TLL2: variants seen among roughly 807,000 people sequenced by gnomAD.
TLL2 encodes the protein tolloid-like protein 2.
A neutral mutation model predicts 123.0 loss-of-function variants in TLL2; 106 were observed. The ratio of observed to expected loss-of-function variants is 0.86; its 90% CI spans 0.74 to 1.01. The LOEUF (loss-of-function observed/expected upper bound fraction) is 1.01, where lower values mean the gene tolerates loss of function less well. Ranked by LOEUF, TLL2 falls within the 50% of genes least tolerant of loss-of-function variation. TLL2 has a pLI of 0.00. For synonymous variants in TLL2, 494 were observed against 516.8 expected (o/e 0.96, Z 0.60); for missense variants, 1,332 against 1,336.7 (o/e 1.00, Z 0.06).
At chr10:96,398,257 CT>C (rs1846359441) in intron 10 of TLL2, among the ~76,000 whole-genome samples, 1 of 152,158 alleles carries the variant, frequency 6.6e-6, no homozygotes, top group Non-Finnish European at 1.5e-5. Flanking sequence ...CTGCACCATT[CT>C]GAACTGGCCT....
chr10:96,458,654 C>A (rs1242768562), intron 2 of TLL2, among the ~76,000 whole-genome samples: 1 of 148,426 alleles, frequency 6.7e-6, no homozygotes, highest in Non-Finnish European at 1.5e-5. Flanking sequence ...ACCTGTAGTC[C>A]CAGCTACTAG....
intron 2 of TLL2, among the ~76,000 whole-genome samples, chr10:96,476,238 A>ATTTTTTT: frequency 5.7e-5 from 1 of 17,520 alleles, no homozygotes; most frequent in South Asian, 2.0e-3. Flanking sequence ...ATATATATAT[A>ATTTTTTT]TATTTTATTT....
intron 3 of TLL2, among the ~76,000 whole-genome samples, chr10:96,442,748 G>A (rs568821781): frequency 2.1e-4 from 32 of 152,264 alleles, no homozygotes; most frequent in South Asian, 2.1e-4. Flanking sequence ...GGCCACAGCC[G>A]CCGTCTTCCT....
chr10:96,476,248 T>TTTTTTTTTGTTGTTGTTG lies in TLL2; in HGVS notation c.286+4100_286+4101insCAACAACAACAAAAAAAA, dbSNP rs1285354320. The stretch of plus-strand genomic sequence containing the variant: ...TATATATATATATATATATTTTATT[T>TTTTTTTTTGTTGTTGTTG]TTGTTGTTGTTGTTGTTGTTGAGAC... On this transcript the variant is annotated intron_variant, in intron 2 of 20. Coordinates refer to ENST00000357947, the MANE Select transcript of TLL2 (RefSeq NM_012465.4). Among the ~76,000 whole-genome samples, 47 of 69,234 alleles carry TTTTTTTTTGTTGTTGTTG rather than the reference T, an allele frequency of 6.8e-4. 1 individual carries two copies. The highest frequency in any genetic ancestry group is 2.8e-3 in the African/African-American group (45 of 16,062). 45.4% of individuals were successfully genotyped at this position (69,234 alleles called of 152,430 possible).
At position 96,373,696 on chromosome 10, in the gene TLL2, C is replaced by T. The variant is rs1290281077; in HGVS notation, c.2562G>A (p.Lys854=). ...APILGRFCGS[K]KPDPTVASGS... The stretch of plus-strand genomic sequence containing the variant: ...CGGAAGCCACCGTGGGGTCTGGTTT[C>T]TTGCTGCCGCAGAAACGGCCCAGAA... The change falls in exon 19 of 21, where the codon AAG becomes AAA. Residue 854 remains lysine (K), a synonymous_variant. Transcript: ENST00000357947. 3 of 1,614,156 alleles carry T rather than the reference C, an allele frequency of 1.9e-6. No individual in the cohort carries two copies. Among genetic ancestry groups the T allele is most frequent in the Non-Finnish European group, 2.5e-6 (3 of 1,180,062 alleles).
At chr10:96,417,856 C>T (rs367640385) in intron 7 of TLL2, among the ~76,000 whole-genome samples, 49 of 152,276 alleles carry the variant, frequency 3.2e-4, no homozygotes, top group African/African-American at 1.2e-3. Context: ...CCAGGAAAGA[C>T]CAGAGAAGAA....
chr10:96,435,870 T>C (rs1052528558), intron 3 of TLL2, among the ~76,000 whole-genome samples: 1 of 152,228 alleles, frequency 6.6e-6, no homozygotes, highest in African/African-American at 2.4e-5. Flanking sequence ...GACGTCTTGT[T>C]TTCCTGTGTC....
intron 2 of TLL2, among the ~76,000 whole-genome samples, chr10:96,452,997 C>T (rs777614865): frequency 6.6e-6 from 1 of 152,028 alleles, no homozygotes; most frequent in Non-Finnish European, 1.5e-5. Context: ...CAGAAGAGAA[C>T]GGGAAAATGA....
At position 96,373,664 on chromosome 10, in the gene TLL2, C is replaced by T; in HGVS notation, c.2594G>A (p.Ser865Asn). 5 of 1,614,262 alleles carry T rather than the reference C, an allele frequency of 3.1e-6. No individual in the cohort carries two copies. Among genetic ancestry groups the T allele is most frequent in the Middle Eastern group, 3.3e-4 (2 of 6,062 alleles). The change falls in exon 19 of 21, where the codon AGT becomes AAT. Residue 865 changes from serine (S) to asparagine (N), a missense_variant. By Grantham distance (46) the Ser-to-Asn change is conservative. Transcript: ENST00000357947. ...KPDPTVASGS[S>N]MFLRFYSDAS... ...ATCCGAATAAAACCTGAGAAACATA[C>T]TGCTGCCGGAAGCCACCGTGGGGTC...
rs7922918 is a variant in TLL2, at chr10:96,469,867, G to T, written c.286+10482C>A. ...CTAATCATGAATTTGGCATCAGAGA[G>T]GCAGCAGAGCTGTGGGGTCGATCCC... On this transcript the variant is annotated intron_variant, in intron 2 of 20. Transcript: ENST00000357947. Among the ~76,000 whole-genome samples, 922 of 152,144 alleles carry T rather than the reference G, an allele frequency of 6.1e-3. 9 individuals are homozygous for T. The highest frequency in any genetic ancestry group is 0.017 in the African/African-American group (685 of 41,506).
At chr10:96,462,210 G>A (rs755705886) in intron 2 of TLL2, among the ~76,000 whole-genome samples, 1 of 152,162 alleles carries the variant, frequency 6.6e-6, no homozygotes, top group Non-Finnish European at 1.5e-5. Flanking sequence ...TGGTCACTGT[G>A]GTGTTTAGCA....
At chr10:96,473,054 C>CA (rs902329043) in intron 2 of TLL2, among the ~76,000 whole-genome samples, 8 of 152,050 alleles carry the variant, frequency 5.3e-5, no homozygotes, top group Non-Finnish European at 1.2e-4. Flanking sequence ...ATCAGCCCCC[C>CA]CCAATCAGAT....
chr10:96,432,755 C>T, intron 4 of TLL2, 52 bp downstream of exon 4: 7 of 1,589,004 alleles, frequency 4.4e-6, no homozygotes, highest in Non-Finnish European at 6.0e-6. Context: ...TCTCTCAACC[C>T]AGGGAGACAA....
intron 14 of TLL2, among the ~76,000 whole-genome samples, chr10:96,386,522 C>T (rs138981395): frequency 2.6e-5 from 4 of 152,302 alleles, no homozygotes; most frequent in African/African-American, 9.6e-5. Context: ...ATGTTTGCAG[C>T]AAGCTACTCA....
chr10:96,470,577 A>G (rs1847169686), intron 2 of TLL2, among the ~76,000 whole-genome samples: 1 of 152,230 alleles, frequency 6.6e-6, no homozygotes, highest in African/African-American at 2.4e-5. Flanking sequence ...TAGGGGAGTG[A>G]TGGAGAGCCT....
chr10:96,385,357 A>T lies in TLL2; in HGVS notation c.2014-590T>A, dbSNP rs79822884. On this transcript the variant is annotated intron_variant, in intron 15 of 20. Transcript: ENST00000357947. ...GGGGTCTTATCAATTGCTTTCAAGGATTATTTTTTTCTGCACAATATTCAC... is the reference window on the plus strand; with the variant it reads ...GGGGTCTTATCAATTGCTTTCAAGGTTTATTTTTTTCTGCACAATATTCAC... Among the ~76,000 whole-genome samples, 181 of 152,302 alleles carry T rather than the reference A, an allele frequency of 1.2e-3. 2 individuals are homozygous for T. The highest frequency in any genetic ancestry group is 4.2e-3 in the African/African-American group (174 of 41,552).
At chr10:96,491,719 C>T (rs1285464769) in intron 1 of TLL2, among the ~76,000 whole-genome samples, 3 of 152,104 alleles carry the variant, frequency 2.0e-5, no homozygotes, top group Admixed American at 2.0e-4. Flanking sequence ...CAGTGGTGTG[C>T]TGCTATTTAA....
At chr10:96,491,878 C>T (rs1406608785) in intron 1 of TLL2, among the ~76,000 whole-genome samples, 1 of 152,174 alleles carries the variant, frequency 6.6e-6, no homozygotes, top group African/African-American at 2.4e-5. Context: ...TAACAGCCAG[C>T]TCCGGGCCAC....
At chr10:96,455,202 C>T (rs1847000390) in intron 2 of TLL2, among the ~76,000 whole-genome samples, 1 of 151,928 alleles carries the variant, frequency 6.6e-6, no homozygotes, top group Non-Finnish European at 1.5e-5. Context: ...GCATTCCAGC[C>T]TGGGTGACAG....
Sources: allele counts gnomAD v4.1 joint callset (sites outside exome capture counted in the v4.1 genomes callset), GRCh38; gene constraint gnomAD v4.1.1; transcripts MANE v1.5; gene names NCBI Gene and HGNC (gene_info 2026-07-23, HGNC 2026-07-21).